Variants in NLGN1 observed in about 807,000 individuals in gnomAD.
NLGN1 encodes the protein neuroligin 1.
In NLGN1, 12 loss-of-function variants were observed where a neutral mutation model predicts 65.5. That is an observed-to-expected ratio of 0.18 (90% CI 0.12 to 0.30). The LOEUF (loss-of-function observed/expected upper bound fraction) is 0.30. NLGN1 is among the 10% of genes least tolerant of loss of function. The pLI is 1.00. For missense variants in NLGN1, 750 were observed against 1,007.1 expected, an observed-to-expected ratio of 0.74 and a Z score of 3.46; for synonymous variants, 350 against 359.5, an observed-to-expected ratio of 0.97 and a Z score of 0.30.
chr3:173,402,825 C>T (rs1717942778), intron 1 of NLGN1, among the ~76,000 whole-genome samples: 1 of 152,184 alleles, frequency 6.6e-6, no homozygotes, highest in Non-Finnish European at 1.5e-5. Flanking sequence ...TCTTAACTTA[C>T]AACTGTCAAT....
At chr3:173,898,296 C>T (rs1736692760) in intron 4 of NLGN1, among the ~76,000 whole-genome samples, 1 of 152,100 alleles carries the variant, frequency 6.6e-6, no homozygotes, top group Admixed American at 6.5e-5. Context: ...TTTTGATGTT[C>T]AGTTTCTCTT....
chr3:173,440,975 C>G (rs993517121), intron 2 of NLGN1, among the ~76,000 whole-genome samples: 10 of 152,172 alleles, frequency 6.6e-5, no homozygotes, highest in Non-Finnish European at 2.9e-5. Context: ...TAGCCACCTT[C>G]CTGAATGATC....
chr3:173,678,870 T>C (rs1225288395), intron 3 of NLGN1, among the ~76,000 whole-genome samples: 1 of 152,122 alleles, frequency 6.6e-6, no homozygotes, highest in African/African-American at 2.4e-5. Flanking sequence ...ATTGAAAAGA[T>C]GGACCTATTT....
chr3:173,424,286 T>C (rs1309883089), intron 1 of NLGN1, among the ~76,000 whole-genome samples: 3 of 152,190 alleles, frequency 2.0e-5, no homozygotes, highest in Non-Finnish European at 4.4e-5. Flanking sequence ...GTCTCTGACA[T>C]GCCCTGGGGA....
intron 3 of NLGN1, among the ~76,000 whole-genome samples, chr3:173,696,884 T>G (rs893642347): frequency 1.3e-5 from 2 of 152,150 alleles, no homozygotes; most frequent in African/African-American, 2.4e-5. Flanking sequence ...CATTATGGAG[T>G]AAACACCTAA....
At chr3:173,801,275 T>A (rs1715409707) in intron 3 of NLGN1, among the ~76,000 whole-genome samples, 3 of 152,010 alleles carry the variant, frequency 2.0e-5, no homozygotes, top group Admixed American at 2.0e-4. Context: ...CTTTACATGG[T>A]GTTAAAGTGA....
intron 2 of NLGN1, among the ~76,000 whole-genome samples, chr3:173,548,119 C>T (rs1740209732): frequency 6.6e-6 from 1 of 152,034 alleles, no homozygotes; most frequent in Admixed American, 6.6e-5. Context: ...TTACTTGTTC[C>T]AAGCCAGTGC....
intron 4 of NLGN1, among the ~76,000 whole-genome samples, chr3:174,047,939 C>T (rs191863435): frequency 1.2e-4 from 19 of 152,074 alleles, no homozygotes; most frequent in Admixed American, 1.0e-3. Context: ...GGATGTTCTG[C>T]GATCTTAAGC....
intron 4 of NLGN1, among the ~76,000 whole-genome samples, chr3:174,069,475 A>G (rs906120275): frequency 3.9e-5 from 6 of 152,198 alleles, no homozygotes; most frequent in Admixed American, 2.0e-4. Flanking sequence ...AATGATAAGG[A>G]AAGGAATGTC....
intron 4 of NLGN1, among the ~76,000 whole-genome samples, chr3:173,951,457 C>CTTTT (rs67595515): frequency 2.1e-5 from 3 of 142,606 alleles, no homozygotes; most frequent in Non-Finnish European, 1.5e-5. Context: ...AGGTATCATT[C>CTTTT]TTTTTTTTTT....
At chr3:173,642,406 T>TG (rs1322586932) in intron 3 of NLGN1, among the ~76,000 whole-genome samples, 6 of 152,070 alleles carry the variant, frequency 3.9e-5, no homozygotes, top group Admixed American at 3.3e-4. Flanking sequence ...ACGGGGGCAT[T>TG]GGGGGGTCTC....
chr3:173,690,832 G>T (rs769664298), intron 3 of NLGN1, among the ~76,000 whole-genome samples: 3 of 152,176 alleles, frequency 2.0e-5, no homozygotes, highest in Non-Finnish European at 2.9e-5. Context: ...GGAGAGATCA[G>T]AGCCAAGTGT....
chr3:173,750,137 G>A (rs1472045865), intron 3 of NLGN1, among the ~76,000 whole-genome samples: 6 of 151,884 alleles, frequency 4.0e-5, no homozygotes, highest in African/African-American at 4.8e-5. Flanking sequence ...GCCCTGATTC[G>A]CCCTGTACCA....
chr3:174,164,377 G>T (rs933529547), intron 4 of NLGN1, among the ~76,000 whole-genome samples: 1 of 151,916 alleles, frequency 6.6e-6, no homozygotes, highest in Non-Finnish European at 1.5e-5. Flanking sequence ...CATTCTGTAG[G>T]CTGTTTACTC....
intron 4 of NLGN1, among the ~76,000 whole-genome samples, chr3:173,902,183 C>G (rs1737504011): frequency 6.6e-6 from 1 of 152,064 alleles, no homozygotes; most frequent in Non-Finnish European, 1.5e-5. Context: ...AGCTTGAATA[C>G]TTTTTCTTTA....
chr3:173,627,977 C>A (rs181325089), intron 3 of NLGN1, among the ~76,000 whole-genome samples: 1 of 151,890 alleles, frequency 6.6e-6, no homozygotes, highest in Non-Finnish European at 1.5e-5. Flanking sequence ...GTCCACTGAA[C>A]TTCTCTCCTT....
chr3:173,975,792 T>C (rs1037874175), intron 4 of NLGN1, among the ~76,000 whole-genome samples: 14 of 152,026 alleles, frequency 9.2e-5, no homozygotes, highest in African/African-American at 3.4e-4. Context: ...TATCATATTT[T>C]TGGTGGCATT....
chr3:173,664,658 C>T (rs17180554), intron 3 of NLGN1, among the ~76,000 whole-genome samples: 16,914 of 152,070 alleles, frequency 0.11, 987 homozygotes, highest in Middle Eastern at 0.27. Flanking sequence ...TACATGTTCT[C>T]ATGGAATCCT....
intron 2 of NLGN1, among the ~76,000 whole-genome samples, chr3:173,439,787 G>A (rs1718822298): frequency 6.6e-6 from 1 of 152,224 alleles, no homozygotes; most frequent in East Asian, 1.9e-4. Context: ...TGAGCCTTCA[G>A]TGAGTCTTAA....
Sources: allele counts gnomAD v4.1 joint callset (sites outside exome capture counted in the v4.1 genomes callset), GRCh38; gene constraint gnomAD v4.1.1; transcripts MANE v1.5; gene names NCBI Gene and HGNC (gene_info 2026-07-23, HGNC 2026-07-21).